The following ARHGAP20 variants were observed in gnomAD, a reference collection of about 807,000 sequenced individuals.
ARHGAP20 encodes Rho GTPase activating protein 20.
Under a neutral mutation model 73.7 loss-of-function variants are expected in ARHGAP20, and 34 were observed. The ratio of observed to expected loss-of-function variants is 0.46; its 90% confidence interval spans 0.35 to 0.61. The LOEUF (loss-of-function observed/expected upper bound fraction) is 0.61, where lower values mean the gene tolerates loss of function less well. Among genes scored for constraint, ARHGAP20 ranks in the 20% least tolerant of loss-of-function variants. ARHGAP20 has a pLI of 0.00. For synonymous variants in ARHGAP20, 523 were observed against 518.2 expected, an observed-to-expected ratio of 1.01 and a Z score of -0.13; for missense variants, 1,314 against 1,420.9, an observed-to-expected ratio of 0.92 and a Z score of 1.21.
intron 2 of ARHGAP20, among the ~76,000 whole-genome samples, chr11:110,668,613 C>T (rs543665149): frequency 2.6e-5 from 4 of 152,096 alleles, no homozygotes; most frequent in Non-Finnish European, 5.9e-5. Flanking sequence ...CGCACCACTG[C>T]ACTCCAGCCT....
At chr11:110,667,772 G>T (rs567318227) in intron 2 of ARHGAP20, among the ~76,000 whole-genome samples, 1 of 152,208 alleles carries the variant, frequency 6.6e-6, no homozygotes, top group Non-Finnish European at 1.5e-5. Context: ...TTTGGAAGAA[G>T]TTGATTCCAA....
intron 7 of ARHGAP20, among the ~76,000 whole-genome samples, chr11:110,611,091 A>C (rs1948356333): frequency 6.6e-6 from 1 of 152,114 alleles, no homozygotes; most frequent in East Asian, 1.9e-4. Context: ...CCAATCTTAT[A>C]ATTTTCAGTT....
chr11:110,589,301 C>T, intron 11 of ARHGAP20: 2 of 672,508 alleles, frequency 3.0e-6, no homozygotes, highest in Non-Finnish European at 1.8e-6. Context: ...TTCAACCCTC[C>T]AGTTCTCTTG....
At chr11:110,612,385 G>A (rs1186242253) in intron 6 of ARHGAP20, among the ~76,000 whole-genome samples, 21 of 151,066 alleles carry the variant, frequency 1.4e-4, no homozygotes, top group East Asian at 1.9e-4. Context: ...CCGAGATCGC[G>A]CCACTGCACT....
chr11:110,675,852 TC>T (rs1292246498), intron 2 of ARHGAP20, among the ~76,000 whole-genome samples: 1 of 152,210 alleles, frequency 6.6e-6, no homozygotes, highest in African/African-American at 2.4e-5. Context: ...TTCTCCTGTT[TC>T]TACCTTAATT....
chr11:110,582,512 A>G, intron 13 of ARHGAP20, 77 bp from the exon 14 acceptor site: 1 of 992,938 alleles, frequency 1.0e-6, no homozygotes. Context: ...ATAAATCCTG[A>G]TTTTTAACAA....
At chr11:110,601,265 A>T (rs2134860763) in intron 9 of ARHGAP20, among the ~76,000 whole-genome samples, 1 of 152,368 alleles carries the variant, frequency 6.6e-6, no homozygotes, top group East Asian at 1.9e-4. Flanking sequence ...CTTGGTAAAT[A>T]AGGCAAAATT....
At chr11:110,636,993 G>C (rs1164590279) in intron 2 of ARHGAP20, among the ~76,000 whole-genome samples, 1 of 151,996 alleles carries the variant, frequency 6.6e-6, no homozygotes, top group Non-Finnish European at 1.5e-5. Flanking sequence ...AATCCAAGCA[G>C]AGTCTAGGAA....
intron 2 of ARHGAP20, among the ~76,000 whole-genome samples, chr11:110,632,484 A>C (rs1350628467): frequency 1.3e-5 from 2 of 152,094 alleles, no homozygotes; most frequent in African/African-American, 4.8e-5. Context: ...GGGTCACTGA[A>C]ACCTCTGCCT....
chr11:110,702,690 A>G (rs866842246), intron 1 of ARHGAP20, among the ~76,000 whole-genome samples: 4 of 152,222 alleles, frequency 2.6e-5, no homozygotes, highest in Non-Finnish European at 5.9e-5. Flanking sequence ...CAGCAGTCTC[A>G]GGATACAAAA....
chr11:110,600,190 G>T lies in ARHGAP20; in HGVS notation c.964+6371C>A, dbSNP rs117029498. ...GGTAACACAAACAGGGCTGAAACATGCCCCTTGTTCACCACACTGTGGGTG... is the reference window on the plus strand; with the variant it reads ...GGTAACACAAACAGGGCTGAAACATTCCCCTTGTTCACCACACTGTGGGTG... On this transcript the variant is annotated intron_variant, in intron 9 of 14. Transcript: ENST00000683387. Among the ~76,000 whole-genome samples the T allele has an allele frequency of 8.5e-4, 130 of 152,362 alleles. 1 individual carries two copies. In the East Asian group the frequency reaches 0.016, roughly 19 times the overall value.
At position 110,580,302 on chromosome 11, in the gene ARHGAP20, C is replaced by T; in HGVS notation, c.2644G>A (p.Glu882Lys). 1 of 1,614,226 alleles carries T rather than the reference C, an allele frequency of 6.2e-7. No individual in the cohort carries two copies. Among genetic ancestry groups the T allele is most frequent in the Middle Eastern group, 1.6e-4 (1 of 6,062 alleles). Reference protein sequence around the residue: ...SCEAGLLHGEEDYLKRHKSLQ... With the variant: ...SCEAGLLHGEKDYLKRHKSLQ... Reference sequence around the variant, plus strand: ...GACTTATGCCGTTTGAGATAATCCTCCTCTCCATGCAAGAGACCAGCTTCA... The same window carrying T: ...GACTTATGCCGTTTGAGATAATCCTTCTCTCCATGCAAGAGACCAGCTTCA... Residue 882 changes from glutamate (E) to lysine (K), a missense_variant, in exon 15 of 15, where the codon GAG (glutamate) becomes AAG (lysine). Around this residue, in one of 3 missense-constraint regions of ARHGAP20, gnomAD observed 641 missense variants for 636.9 expected, o/e 1.01. Transcript: ENST00000683387.
chr11:110,690,921 T>C, intron 1 of ARHGAP20: 1 of 1,274,538 alleles, frequency 7.8e-7, no homozygotes, highest in Non-Finnish European at 1.1e-6. Context: ...ATAACCATTA[T>C]TACTGGTTAT....
At chr11:110,710,726 G>A (rs1950632581) in intron 1 of ARHGAP20, among the ~76,000 whole-genome samples, 1 of 152,100 alleles carries the variant, frequency 6.6e-6, no homozygotes, top group South Asian at 2.1e-4. Context: ...ACCCCTAGAT[G>A]GCTCCGTGAC....
At chr11:110,660,959 C>T (rs1490199333) in intron 2 of ARHGAP20, among the ~76,000 whole-genome samples, 9 of 152,300 alleles carry the variant, frequency 5.9e-5, no homozygotes, top group Admixed American at 3.9e-4. Context: ...AAATAAAATG[C>T]CCAGTGAAAA....
Position 110,580,433 on chromosome 11 carries a change from C to T in ARHGAP20, c.2513G>A (p.Gly838Asp). ...TGAGCAGCGCCGATGTGTCCTTGGA[C>T]CCTTGAGGGCATCTGCTGTGTGTGG... is the stretch of plus-strand genomic sequence containing the variant. ...SPPHTADALK[G>D]PRTHRRCSEP... is the part of the protein sequence containing the mutation. Residue 838 changes from glycine to aspartate, a missense_variant, in exon 15 of 15, where the codon GGT becomes GAT. By Grantham distance (94) the Gly-to-Asp change is moderately conservative. Around this residue, in one of 3 missense-constraint regions of ARHGAP20, gnomAD observed 641 missense variants for 636.9 expected, o/e 1.01. Transcript: ENST00000683387. 1 of 1,614,032 alleles carries T rather than the reference C, an allele frequency of 6.2e-7. No individual in the cohort carries two copies. The highest frequency in any genetic ancestry group is 8.5e-7 in the Non-Finnish European group (1 of 1,180,002).
chr11:110,584,415 A>G (rs1947562485), intron 12 of ARHGAP20, among the ~76,000 whole-genome samples: 2 of 149,452 alleles, frequency 1.3e-5, no homozygotes, highest in South Asian at 4.2e-4. Flanking sequence ...GATATTCATG[A>G]CTGTTTTTTT....
intron 4 of ARHGAP20, 57 bp from the exon 5 acceptor site, chr11:110,615,651 C>A: frequency 6.8e-7 from 1 of 1,472,090 alleles, no homozygotes; most frequent in Non-Finnish European, 9.4e-7. Context: ...CAAATGCTAA[C>A]AGATTTAGGA....
chr11:110,646,339 A>C (rs1789567413), intron 2 of ARHGAP20, among the ~76,000 whole-genome samples: 2 of 152,148 alleles, frequency 1.3e-5, no homozygotes, highest in South Asian at 4.1e-4. Flanking sequence ...TGGCTTTGAA[A>C]GGAAACTTTT....
Sources: gnomAD v4.1 joint callset for allele counts (sites outside exome capture counted in the v4.1 genomes callset) on GRCh38, gnomAD v4.1.1 for gene constraint, gnomAD v4.1.1 regional missense constraint, MANE v1.5 for transcripts, NCBI Gene and HGNC (gene_info 2026-07-23, HGNC 2026-07-21) for gene names.